The following SLAIN2 variants were observed in gnomAD, a reference collection of about 807,000 sequenced individuals.
SLAIN2 encodes the protein SLAIN family member 2.
In SLAIN2, 31 loss-of-function variants were observed where a neutral mutation model predicts 56.6. That is an observed-to-expected ratio of 0.55 (90% CI 0.41 to 0.74). SLAIN2 has a LOEUF of 0.74. Ranked by LOEUF, SLAIN2 falls within the 30% of genes least tolerant of loss-of-function variation. The pLI, the probability that SLAIN2 is intolerant of heterozygous loss-of-function variation, is 0.00. For synonymous variants in SLAIN2, 317 were observed against 284.9 expected (o/e 1.11, Z -1.13); for missense variants, 777 against 754.2 (o/e 1.03, Z -0.35).
chr4:48,346,146 T>C (rs1176124095), intron 1 of SLAIN2, among the ~76,000 whole-genome samples: 4 of 152,252 alleles, frequency 2.6e-5, no homozygotes, highest in Non-Finnish European at 5.9e-5. Context: ...TAGCATTTCA[T>C]GTATCCACTT....
chr4:48,396,026 AG>A (rs997943420), intron 6 of SLAIN2, among the ~76,000 whole-genome samples: 1 of 152,082 alleles, frequency 6.6e-6, no homozygotes, highest in African/African-American at 2.4e-5. Flanking sequence ...GGAATTAAGT[AG>A]GTTTACATAA....
chr4:48,383,454 T>C (rs189916398), intron 5 of SLAIN2, among the ~76,000 whole-genome samples, 193 bp from the exon 6 acceptor site: 1 of 152,310 alleles, frequency 6.6e-6, no homozygotes, highest in Admixed American at 6.5e-5. Flanking sequence ...CTTTAAGTGT[T>C]CTCTTATTCT....
chr4:48,414,403 G>A (rs1397784748), intron 6 of SLAIN2, among the ~76,000 whole-genome samples: 1 of 152,084 alleles, frequency 6.6e-6, no homozygotes, highest in Non-Finnish European at 1.5e-5. Flanking sequence ...AGATAAGAAT[G>A]CCTTACAATT....
chr4:48,402,264 T>G (rs753413568), intron 6 of SLAIN2, among the ~76,000 whole-genome samples: 32 of 151,754 alleles, frequency 2.1e-4, no homozygotes, highest in Admixed American at 6.6e-4. Flanking sequence ...TTTGGGTTGG[T>G]CTTCTTGCGG....
intron 6 of SLAIN2, among the ~76,000 whole-genome samples, chr4:48,392,984 A>G (rs1393252017): frequency 6.6e-6 from 1 of 151,750 alleles, no homozygotes; most frequent in Non-Finnish European, 1.5e-5. Context: ...AAGTGAGTAG[A>G]TGAATAAAAA....
intron 6 of SLAIN2, among the ~76,000 whole-genome samples, chr4:48,391,795 A>G (rs1294833979): frequency 6.6e-6 from 1 of 152,244 alleles, no homozygotes; most frequent in Non-Finnish European, 1.5e-5. Flanking sequence ...AGATTAATAA[A>G]TGGAATTTAA....
At chr4:48,345,592 A>G (rs1218945195) in intron 1 of SLAIN2, among the ~76,000 whole-genome samples, 2 of 151,994 alleles carry the variant, frequency 1.3e-5, no homozygotes, top group Non-Finnish European at 2.9e-5. Flanking sequence ...CATATATTTT[A>G]TACATAAGAT....
Position 48,383,656 on chromosome 4 carries a change from G to A in SLAIN2, c.1232G>A (p.Arg411Lys). ...TSNVKNEEKL[R>K]RSLPNLSRTS... is the part of the protein sequence containing the mutation. ...TAAAATTCTGTTGCAGAAAAACTAA[G>A]ACGCAGTCTTCCAAACCTGTCCCGA... The change falls in exon 6 of 8, where the codon AGA becomes AAA. Residue 411 changes from arginine (R) to lysine (K), a missense_variant. By Grantham distance (26) the Arg-to-Lys change is conservative. Coordinates refer to ENST00000264313, the MANE Select transcript of SLAIN2 (RefSeq NM_020846.2). 6.4e-7 allele frequency: 1 copy of A among 1,566,062 alleles called. No homozygotes were observed. The highest frequency in any genetic ancestry group is 8.7e-7 in the Non-Finnish European group (1 of 1,152,718).
intron 1 of SLAIN2, among the ~76,000 whole-genome samples, chr4:48,361,115 A>G (rs575658905): frequency 6.6e-6 from 1 of 152,234 alleles, no homozygotes; most frequent in Non-Finnish European, 1.5e-5. Flanking sequence ...TTTTGCATCA[A>G]TGTTGTACAT....
intron 6 of SLAIN2, 66 bp downstream of exon 6, chr4:48,383,850 G>C (rs886720582): frequency 2.0e-6 from 3 of 1,505,324 alleles, no homozygotes; most frequent in Non-Finnish European, 2.7e-6. Context: ...TTAGATATTT[G>C]TTTTATGCTG....
At chr4:48,342,428 T>G (rs1320594277) in intron 1 of SLAIN2, among the ~76,000 whole-genome samples, 1 of 151,130 alleles carries the variant, frequency 6.6e-6, no homozygotes, top group Non-Finnish European at 1.5e-5. Context: ...TGGGGAGGAG[T>G]CGGAGGTGGG....
At chr4:48,364,169 G>A (rs1412635964) in intron 1 of SLAIN2, among the ~76,000 whole-genome samples, 2 of 60,354 alleles carry the variant, frequency 3.3e-5, no homozygotes, top group Admixed American at 1.3e-4. Context: ...CGGGGCGGCC[G>A]GGCAGAGACG....
rs1310150279 is a variant in SLAIN2 at position 48,425,504 on chromosome 4, A to G, written c.*3427A>G. ...TTGTACACTGTTTAATGAGTTCTCCATATTCCTTTAGGAGATATTTGCTTT... is the reference window on the plus strand; with the variant it reads ...TTGTACACTGTTTAATGAGTTCTCCGTATTCCTTTAGGAGATATTTGCTTT... On this transcript the variant is annotated 3_prime_UTR_variant, in exon 8 of 8. Coordinates refer to ENST00000264313, the MANE Select transcript of SLAIN2 (RefSeq NM_020846.2). 6.6e-6 allele frequency: 1 copy of G among 152,172 alleles called. No homozygotes were observed. Among genetic ancestry groups the G allele is most frequent in the African/African-American group, 2.4e-5 (1 of 41,456 alleles). The allele number at this position is 152,172 out of a possible 1,614,324, so 9.4% of individuals were successfully genotyped here. A position where few individuals can be genotyped will look rare whatever the true frequency, so the allele number is the denominator to read the frequency against.
rs1717277814 is a variant in SLAIN2 at position 48,425,521 on chromosome 4, A to G, written c.*3444A>G. 6.6e-6 allele frequency: 1 copy of G among 152,154 alleles called. No homozygotes were observed. Among genetic ancestry groups the G allele is most frequent in the South Asian group, 2.1e-4 (1 of 4,830 alleles). 9.4% of individuals were successfully genotyped at this position (152,154 alleles called of 1,614,324 possible). On this transcript the variant is annotated 3_prime_UTR_variant, in exon 8 of 8. Coordinates refer to ENST00000264313, the MANE Select transcript of SLAIN2 (RefSeq NM_020846.2). ...AGTTCTCCATATTCCTTTAGGAGAT[A>G]TTTGCTTTGCAATTACATGTTACAA...
chr4:48,413,611 C>T (rs540493968), intron 6 of SLAIN2, among the ~76,000 whole-genome samples: 2 of 152,192 alleles, frequency 1.3e-5, no homozygotes, highest in East Asian at 1.9e-4. Context: ...AGTAAGGGAT[C>T]GTTGACAAGG....
chr4:48,341,731 G>C lies in SLAIN2; in HGVS notation c.-9G>C. ...GGGCGGCGGAGGCGGCGGCGGCGGC[G>C]GGGCCGGGATGGAGGACGTTAACTC... On this transcript the variant is annotated 5_prime_UTR_variant, in exon 1 of 8. Coordinates refer to ENST00000264313, the MANE Select transcript of SLAIN2 (RefSeq NM_020846.2). The C allele has an allele frequency of 1.3e-6, 2 of 1,526,846 alleles. No individual in the cohort carries two copies. Among genetic ancestry groups the C allele is most frequent in the South Asian group, 1.2e-5 (1 of 81,652 alleles). The allele number at this position is 1,526,846 out of a possible 1,614,324, so 94.6% of individuals were successfully genotyped here.
chr4:48,381,915 G>C (rs1456104183), intron 4 of SLAIN2, among the ~76,000 whole-genome samples: 5 of 152,112 alleles, frequency 3.3e-5, no homozygotes, highest in Non-Finnish European at 7.4e-5. Context: ...GGCTCCCAAG[G>C]TTGCTTGGGT....
intron 6 of SLAIN2, among the ~76,000 whole-genome samples, chr4:48,400,743 A>AT (rs1297758066): frequency 2.0e-5 from 3 of 151,844 alleles, no homozygotes; most frequent in African/African-American, 7.3e-5. Context: ...TATTTTATTA[A>AT]TTAAAAAAAA....
intron 6 of SLAIN2, among the ~76,000 whole-genome samples, chr4:48,408,966 C>T (rs1202587293): frequency 6.6e-6 from 1 of 152,056 alleles, no homozygotes; most frequent in South Asian, 2.1e-4. Context: ...ATGCAAATGC[C>T]GTTGTGTTAC....
Sources: gnomAD v4.1 joint callset for allele counts (sites outside exome capture counted in the v4.1 genomes callset) on GRCh38, gnomAD v4.1.1 for gene constraint, MANE v1.5 for transcripts, NCBI Gene and HGNC (gene_info 2026-07-23, HGNC 2026-07-21) for gene names.